FSTL4: variants seen among roughly 807,000 people sequenced by gnomAD.
FSTL4 encodes the protein follistatin-related protein 4.
A neutral mutation model predicts 78.2 loss-of-function variants in FSTL4; 28 were observed. That is an observed-to-expected ratio of 0.36 (90% CI 0.27 to 0.49). The LOEUF (loss-of-function observed/expected upper bound fraction) is 0.49. Among genes scored for constraint, FSTL4 ranks in the 20% least tolerant of loss-of-function variants. The probability of loss-of-function intolerance (pLI) is 0.98; values close to 1 mark genes in which losing one functional copy is unlikely to be tolerated. For missense variants in FSTL4, 922 were observed against 1,084.9 expected (o/e 0.85, Z 2.11); for synonymous variants, 422 against 440.5 (o/e 0.96, Z 0.53).
the FSTL4 span, among the ~76,000 whole-genome samples, chr5:133,667,481 A>C: frequency 6.6e-6 from 1 of 152,216 alleles, no homozygotes; most frequent in African/African-American, 2.4e-5. Flanking sequence ...TGTTAAAACA[A>C]AGTCCTTTAA....
At chr5:133,534,625 G>A (rs1759317193) in intron 3 of FSTL4, among the ~76,000 whole-genome samples, 1 of 152,020 alleles carries the variant, frequency 6.6e-6, no homozygotes, top group African/African-American at 2.4e-5. Flanking sequence ...ATAGCCCCAA[G>A]GTCAAAAATA....
chr5:133,747,880 T>C, the FSTL4 span, among the ~76,000 whole-genome samples: 5 of 152,102 alleles, frequency 3.3e-5, no homozygotes, highest in Non-Finnish European at 7.4e-5. Context: ...GGGGATCAAA[T>C]GGCTGATATA....
intron 6 of FSTL4, among the ~76,000 whole-genome samples, chr5:133,259,518 C>CTT (rs3976227): frequency 3.0e-4 from 38 of 126,392 alleles, no homozygotes; most frequent in African/African-American, 1.0e-3. Context: ...ATTTTTTTTT[C>CTT]TTTTTTTTTT....
chr5:133,394,087 C>T (rs1180263155), intron 4 of FSTL4, among the ~76,000 whole-genome samples: 1 of 152,282 alleles, frequency 6.6e-6, no homozygotes, highest in Admixed American at 6.5e-5. Context: ...CCTGGCTTGG[C>T]TCTGCCTGTG....
rs146333605 is a variant in FSTL4 at position 133,471,215 on chromosome 5, G to A, written c.161-70229C>T. Among the ~76,000 whole-genome samples, 298 of 152,178 alleles carry A rather than the reference G, an allele frequency of 2.0e-3. 2 individuals are homozygous for A. The highest frequency in any genetic ancestry group is 6.6e-3 in the African/African-American group (274 of 41,510). Reference sequence around the variant, plus strand: ...AAATATTATTTGTTTTAACTACCGCGTCTTTGTGTTGGAGGCACGCACCTC... The same window carrying A: ...AAATATTATTTGTTTTAACTACCGCATCTTTGTGTTGGAGGCACGCACCTC... On this transcript the variant is annotated intron_variant, in intron 3 of 15. Transcript: ENST00000265342.
the FSTL4 span, among the ~76,000 whole-genome samples, chr5:133,741,916 T>A: frequency 6.6e-6 from 1 of 152,194 alleles, no homozygotes; most frequent in Non-Finnish European, 1.5e-5. Flanking sequence ...CAGATTGGTT[T>A]CTCACCACTT....
intron 3 of FSTL4, among the ~76,000 whole-genome samples, chr5:133,549,381 AC>A (rs1759647889): frequency 6.6e-6 from 1 of 152,054 alleles, no homozygotes; most frequent in African/African-American, 2.4e-5. Context: ...AATTTCAATT[AC>A]CTTTTTTAAT....
intron 3 of FSTL4, among the ~76,000 whole-genome samples, chr5:133,517,138 A>G (rs1233507932): frequency 6.6e-6 from 1 of 151,394 alleles, no homozygotes; most frequent in Admixed American, 6.6e-5. Flanking sequence ...AAATGTACAA[A>G]CTGGCCAGGG....
intron 4 of FSTL4, among the ~76,000 whole-genome samples, chr5:133,384,843 T>A (rs1239421943): frequency 6.6e-6 from 1 of 152,348 alleles, no homozygotes; most frequent in East Asian, 1.9e-4. Context: ...AGGCTTGCCC[T>A]TGCTGCTTTC....
intron 4 of FSTL4, among the ~76,000 whole-genome samples, chr5:133,349,605 T>C (rs888419269): frequency 1.5e-5 from 2 of 135,448 alleles, no homozygotes; most frequent in Non-Finnish European, 3.1e-5. Flanking sequence ...AAAGGACCCA[T>C]AGGATGGACT....
chr5:133,618,699 T>C, the FSTL4 span, among the ~76,000 whole-genome samples: 477 of 152,332 alleles, frequency 3.1e-3, 3 homozygotes, highest in African/African-American at 0.011. Context: ...TCAAAGAAGT[T>C]ACCCAGTTTA....
chr5:133,429,260 G>C (rs1933939863), intron 3 of FSTL4, among the ~76,000 whole-genome samples: 1 of 152,158 alleles, frequency 6.6e-6, no homozygotes, highest in African/African-American at 2.4e-5. Context: ...TGAGCCTGAG[G>C]ATGACGATGG....
chr5:133,618,703 C>T, the FSTL4 span, among the ~76,000 whole-genome samples: 1 of 152,174 alleles, frequency 6.6e-6, no homozygotes, highest in Non-Finnish European at 1.5e-5. Flanking sequence ...AGAAGTTACC[C>T]AGTTTATCTA....
At chr5:133,372,252 T>TCTATGTATGTAC (rs1561690346) in intron 4 of FSTL4, among the ~76,000 whole-genome samples, 36 of 142,862 alleles carry the variant, frequency 2.5e-4, no homozygotes, top group Admixed American at 1.9e-3. Flanking sequence ...TATCTATGTA[T>TCTATGTATGTAC]GTATGTATGT....
At chr5:133,277,979 A>C (rs1752925233) in intron 6 of FSTL4, among the ~76,000 whole-genome samples, 1 of 152,126 alleles carries the variant, frequency 6.6e-6, no homozygotes, top group Non-Finnish European at 1.5e-5. Context: ...TTCTGAGCTC[A>C]GTCCCGTGGC....
intron 7 of FSTL4, among the ~76,000 whole-genome samples, chr5:133,235,089 C>T (rs150246402): frequency 2.6e-5 from 4 of 152,204 alleles, no homozygotes; most frequent in East Asian, 1.9e-4. Flanking sequence ...CTGGGTCCTC[C>T]GCTGATACTC....
chr5:133,795,535 A>G, the FSTL4 span, among the ~76,000 whole-genome samples: 3 of 152,202 alleles, frequency 2.0e-5, no homozygotes, highest in African/African-American at 7.2e-5. Context: ...AAAAAAGTTT[A>G]ACAGGTTTCT....
intron 4 of FSTL4, among the ~76,000 whole-genome samples, chr5:133,335,604 A>G (rs1283735753): frequency 1.3e-5 from 2 of 148,848 alleles, no homozygotes; most frequent in Non-Finnish European, 3.0e-5. Flanking sequence ...CAACCCCTAA[A>G]CTGTCCCCTG....
the FSTL4 span, among the ~76,000 whole-genome samples, chr5:133,624,118 T>C: frequency 1.3e-5 from 2 of 151,844 alleles, no homozygotes; most frequent in African/African-American, 4.8e-5. Flanking sequence ...CCCAAAAGAA[T>C]TGAAAATAAG....
Sources: gnomAD v4.1 joint callset for allele counts (sites outside exome capture counted in the v4.1 genomes callset) on GRCh38, gnomAD v4.1.1 for gene constraint, MANE v1.5 for transcripts, NCBI Gene and HGNC (gene_info 2026-07-23, HGNC 2026-07-21) for gene names.